SUPT6H: variants seen among roughly 807,000 people sequenced by gnomAD.
SUPT6H encodes transcription elongation factor SPT6.
SUPT6H carries 11 observed loss-of-function variants against 222.3 expected under a neutral mutation model. The observed-to-expected ratio is 0.05, with a 90% CI of 0.03 to 0.08. The LOEUF is 0.08. Among genes scored for constraint, SUPT6H ranks in the 10% least tolerant of loss-of-function variants. SUPT6H has a pLI of 1.00. For synonymous variants in SUPT6H, 762 were observed against 801.2 expected, an observed-to-expected ratio of 0.95 and a Z score of 0.83; for missense variants, 1,422 against 2,216.0, an observed-to-expected ratio of 0.64 and a Z score of 7.19.
intron 18 of SUPT6H, 56 bp from the exon 19 acceptor site, chr17:28,684,788 A>T: frequency 6.2e-7 from 1 of 1,612,972 alleles, no homozygotes; most frequent in Non-Finnish European, 8.5e-7. Flanking sequence ...TTTTTCTCTC[A>T]TTCATAACTT....
chr17:28,682,293 T>G (rs2031154437), intron 13 of SUPT6H: 1 of 305,280 alleles, frequency 3.3e-6, no homozygotes, highest in African/African-American at 2.1e-5. Context: ...TTCATTGTTC[T>G]TTGACTACCT....
rs777551841 is a variant in SUPT6H at position 28,683,834 on chromosome 17, T to C, written c.2229+18T>C. 6.5e-7 allele frequency: 1 copy of C among 1,545,384 alleles called. No homozygotes were observed. Among genetic ancestry groups the C allele is most frequent in the East Asian group, 2.3e-5 (1 of 43,460 alleles). On this transcript the variant is annotated intron_variant, in intron 17 of 36. Transcript: ENST00000314616. ...TCATAAAGGTGAGGACAGAGACTCA[T>C]GATTTTTTTTTTTTTTTTGGTGACA...
chr17:28,672,253 C>T (rs1264558759), intron 1 of SUPT6H, among the ~76,000 whole-genome samples: 1 of 152,328 alleles, frequency 6.6e-6, no homozygotes, highest in African/African-American at 2.4e-5. Context: ...CACATAATCT[C>T]ACTCTACCAC....
At chr17:28,678,011 A>C in intron 8 of SUPT6H, 65 bp from the exon 9 acceptor site, 1 of 1,493,994 alleles carries the variant, frequency 6.7e-7, no homozygotes, top group Non-Finnish European at 9.2e-7. Flanking sequence ...GTTATTAAGC[A>C]GTCTTGTATG....
At chr17:28,692,452 A>G (rs2151652882) in intron 27 of SUPT6H, among the ~76,000 whole-genome samples, 1 of 147,304 alleles carries the variant, frequency 6.8e-6, no homozygotes, top group Admixed American at 6.8e-5. Flanking sequence ...GACCAACATG[A>G]TGAAACCCCA....
chr17:28,674,794 G>C, intron 4 of SUPT6H, 176 bp from the exon 5 acceptor site: 1 of 959,984 alleles, frequency 1.0e-6, no homozygotes, highest in East Asian at 2.6e-5. Flanking sequence ...GTTAGAGAAA[G>C]TCTTGTCCAA....
chr17:28,701,290 T>C, intron 36 of SUPT6H, 149 bp from the exon 37 acceptor site: 1 of 1,368,260 alleles, frequency 7.3e-7, no homozygotes, highest in Non-Finnish European at 9.9e-7. Context: ...AAGAGGGCAG[T>C]ATGGCAGCCA....
rs536179267 is a variant in SUPT6H, at chr17:28,662,242, C to G, written c.-132C>G. 4.9e-6 allele frequency: 1 copy of G among 204,494 alleles called. No individual in the cohort carries two copies. Among genetic ancestry groups the G allele is most frequent in the Non-Finnish European group, 1.0e-5 (1 of 97,836 alleles). The allele number at this position is 204,494 out of a possible 1,614,324, so 12.7% of individuals were successfully genotyped here. On this transcript the variant is annotated 5_prime_UTR_variant, in exon 1 of 37. Coordinates refer to ENST00000314616, the MANE Select transcript of SUPT6H (RefSeq NM_003170.5). ...GCGGCGGCGGTGGCGGCGGAGGGGC[C>G]GTGCGGTGGGTCCGTACTATCTTTT...
At chr17:28,673,752 G>C (rs1383013729) in intron 2 of SUPT6H, 2 of 493,582 alleles carry the variant, frequency 4.1e-6, no homozygotes, top group Non-Finnish European at 7.3e-6. Context: ...CTTTAGTTGG[G>C]GGGTGGTTGA....
chr17:28,674,918 T>G (rs1244030005), intron 4 of SUPT6H, 52 bp from the exon 5 acceptor site: 2 of 1,573,622 alleles, frequency 1.3e-6, no homozygotes, highest in Non-Finnish European at 1.7e-6. Context: ...AGATTTGGTA[T>G]CCGTATGCCA....
chr17:28,685,035 C>T (rs761842848), intron 19 of SUPT6H, 74 bp downstream of exon 19: 53 of 1,392,598 alleles, frequency 3.8e-5, no homozygotes, highest in East Asian at 2.5e-4. Context: ...TAAGTGTTTA[C>T]GGTCTAAGCA....
chr17:28,671,929 T>G (rs571401276), intron 1 of SUPT6H, among the ~76,000 whole-genome samples: 1 of 152,352 alleles, frequency 6.6e-6, no homozygotes, highest in African/African-American at 2.4e-5. Context: ...AAACCAGGAT[T>G]TGATTTCTAC....
At chr17:28,667,209 CAA>C (rs55712354) in intron 1 of SUPT6H, among the ~76,000 whole-genome samples, 1 of 132,332 alleles carries the variant, frequency 7.6e-6, no homozygotes, top group African/African-American at 2.8e-5. Flanking sequence ...ACTAAAAATA[CAA>C]AAAAAAAAAA....
chr17:28,678,446 T>C, intron 9 of SUPT6H, 99 bp from the exon 10 acceptor site: 1 of 1,240,088 alleles, frequency 8.1e-7, no homozygotes, highest in South Asian at 1.3e-5. Flanking sequence ...ACTGTTGAAT[T>C]TCCTGGAGCT....
chr17:28,685,769 C>T (rs2031350296), intron 19 of SUPT6H, among the ~76,000 whole-genome samples: 1 of 152,212 alleles, frequency 6.6e-6, no homozygotes, highest in South Asian at 2.1e-4. Flanking sequence ...CAGGTGTGAG[C>T]CACTGCACCC....
intron 19 of SUPT6H, 107 bp downstream of exon 19, chr17:28,685,068 T>C (rs1308993228): frequency 1.9e-6 from 2 of 1,080,404 alleles, no homozygotes; most frequent in Non-Finnish European, 2.7e-6. Context: ...AGACTGATTG[T>C]GTCTGATCTG....
At chr17:28,674,871 C>T in intron 4 of SUPT6H, 99 bp from the exon 5 acceptor site, 1 of 1,388,822 alleles carries the variant, frequency 7.2e-7, no homozygotes, top group Non-Finnish European at 9.9e-7. Context: ...CTCTCTTGGT[C>T]AGAGTAATTG....
At position 28,675,129 on chromosome 17, in the gene SUPT6H, C is replaced by A; in HGVS notation, c.505C>A (p.Pro169Thr). 1 of 1,612,180 alleles carries A rather than the reference C, an allele frequency of 6.2e-7. No homozygotes were observed. The highest frequency in any genetic ancestry group is 8.5e-7 in the Non-Finnish European group (1 of 1,179,526). Residue 169 changes from proline to threonine, a missense_variant, in exon 5 of 37, where the codon CCA becomes ACA. Physicochemically the swap from Pro to Thr is conservative, Grantham distance 38. Around this residue, in one of 13 missense-constraint regions of SUPT6H, gnomAD observed 389 missense variants for 544.6 expected, o/e 0.71. Transcript: ENST00000314616. ...GGCCATGGAGGCCCCCATGGCTCCTCCAGAGGAGGAGGAAGAAGATGATGA... is the reference window on the plus strand; with the variant it reads ...GGCCATGGAGGCCCCCATGGCTCCTACAGAGGAGGAGGAAGAAGATGATGA... ...QEAMEAPMAP[P>T]EEEEEDDEES...
intron 1 of SUPT6H, among the ~76,000 whole-genome samples, chr17:28,665,530 G>A (rs868009742): frequency 6.6e-6 from 1 of 152,164 alleles, no homozygotes; most frequent in Non-Finnish European, 1.5e-5. Flanking sequence ...GGCTGAGGCA[G>A]GCGGATCACC....
Sources: gnomAD v4.1 joint callset for allele counts (sites outside exome capture counted in the v4.1 genomes callset) on GRCh38, gnomAD v4.1.1 for gene constraint, gnomAD v4.1.1 regional missense constraint, MANE v1.5 for transcripts, NCBI Gene and HGNC (gene_info 2026-07-23, HGNC 2026-07-21) for gene names.